The following C5orf15 variants were observed in gnomAD, a reference collection of about 807,000 sequenced individuals.
C5orf15 encodes the protein keratinocyte-associated transmembrane protein 2.
A neutral mutation model predicts 17.8 loss-of-function variants in C5orf15; 10 were observed. That is an observed-to-expected ratio of 0.56 (90% confidence interval 0.35 to 0.95). C5orf15 has a LOEUF of 0.95. Ranked by LOEUF, C5orf15 falls within the 40% of genes least tolerant of loss-of-function variation. C5orf15 has a pLI of 0.02. For synonymous variants in C5orf15, 124 were observed against 131.0 expected (o/e 0.95, Z 0.36); for missense variants, 319 against 331.7 (o/e 0.96, Z 0.30).
chr5:133,958,449 C>T lies in C5orf15; in HGVS notation c.666+1045G>A, dbSNP rs1427369200. 1.1e-4 allele frequency among the ~76,000 whole-genome samples: 16 copies of T among 151,814 alleles called. No individual in the cohort carries two copies. In the Middle Eastern group the frequency reaches 0.017, roughly 161 times the overall value. On this transcript the variant is annotated intron_variant, in intron 2 of 2. Coordinates refer to ENST00000231512, the MANE Select transcript of C5orf15 (RefSeq NM_020199.3). ...AAAATTAGCCAGGCGTGGTGGCCTGCGCCTGTAGTCCCAGTTACTCAAGAG... is the reference window on the plus strand; with the variant it reads ...AAAATTAGCCAGGCGTGGTGGCCTGTGCCTGTAGTCCCAGTTACTCAAGAG...
chr5:133,968,378 G>C (rs778132205), intron 1 of C5orf15, 68 bp downstream of exon 1: 20 of 1,554,374 alleles, frequency 1.3e-5, no homozygotes, highest in Non-Finnish European at 1.7e-5. Context: ...TCCCTGGCCC[G>C]GCCTGTCTCC....
At chr5:133,962,400 G>C (rs958003294) in intron 1 of C5orf15, among the ~76,000 whole-genome samples, 3 of 152,214 alleles carry the variant, frequency 2.0e-5, no homozygotes, top group South Asian at 2.1e-4. Flanking sequence ...TTGAACCACT[G>C]AATCTCAAGG....
intron 1 of C5orf15, among the ~76,000 whole-genome samples, chr5:133,963,839 A>C (rs753567393): frequency 2.0e-5 from 3 of 152,222 alleles, no homozygotes; most frequent in Non-Finnish European, 4.4e-5. Context: ...TATTCATAAT[A>C]GCCAAAAACT....
chr5:133,960,080 G>T, intron 1 of C5orf15, 60 bp from the exon 2 acceptor site: 1 of 1,477,508 alleles, frequency 6.8e-7, no homozygotes, highest in Non-Finnish European at 9.1e-7. Context: ...CAAGCTAAAA[G>T]CATATTTACC....
chr5:133,961,992 A>G (rs1419125037), intron 1 of C5orf15, among the ~76,000 whole-genome samples: 6 of 152,206 alleles, frequency 3.9e-5, no homozygotes, highest in Non-Finnish European at 8.8e-5. Context: ...AACTACTAAC[A>G]GGAATTTCTG....
chr5:133,962,168 A>G (rs1442521619), intron 1 of C5orf15, among the ~76,000 whole-genome samples: 1 of 152,218 alleles, frequency 6.6e-6, no homozygotes, highest in African/African-American at 2.4e-5. Flanking sequence ...TTAACTTTTA[A>G]AAGAACAATT....
At chr5:133,962,863 TTC>T (rs1752143463) in intron 1 of C5orf15, among the ~76,000 whole-genome samples, 1 of 152,176 alleles carries the variant, frequency 6.6e-6, no homozygotes, top group Non-Finnish European at 1.5e-5. Flanking sequence ...ATACACTCTC[TTC>T]TCTCTTTATT....
In C5orf15 at chr5:133,968,523, G is replaced by T; in HGVS notation, c.62C>A (p.Ser21Ter). 1 of 1,607,912 alleles carries T rather than the reference G, an allele frequency of 6.2e-7. No individual in the cohort carries two copies. The highest frequency in any genetic ancestry group is 8.5e-7 in the Non-Finnish European group (1 of 1,177,638). ...GPAQAKLLPGSAIQALVGLAR... is the reference protein window; with the variant it reads ...GPAQAKLLPG Reference sequence around the variant, plus strand: ...CAACCCCACAAGGGCTTGGATGGCCGACCCGGGCAGCAGTTTCGCTTGTGC... The same window carrying T: ...CAACCCCACAAGGGCTTGGATGGCCTACCCGGGCAGCAGTTTCGCTTGTGC... The change falls in exon 1 of 3, where the codon TCG becomes TAG. Residue 21 changes from serine (S) to a stop codon, truncating the protein, a stop_gained. Transcript: ENST00000231512. LOFTEE classifies it high-confidence loss of function.
chr5:133,963,523 G>A (rs973357739), intron 1 of C5orf15, among the ~76,000 whole-genome samples: 3 of 152,200 alleles, frequency 2.0e-5, no homozygotes, highest in Admixed American at 2.0e-4. Flanking sequence ...AAGGTGGAAA[G>A]AACTGGGTAG....
Position 133,968,520 on chromosome 5 carries a change from G to A in C5orf15, c.65C>T (p.Ala22Val), listed in dbSNP as rs1262820876. The A allele has an allele frequency of 6.2e-7, 1 of 1,607,490 alleles. No individual in the cohort carries two copies. The highest frequency in any genetic ancestry group is 8.5e-7 in the Non-Finnish European group (1 of 1,177,480). Reference sequence around the variant, plus strand: ...CGCCAACCCCACAAGGGCTTGGATGGCCGACCCGGGCAGCAGTTTCGCTTG... The same window carrying A: ...CGCCAACCCCACAAGGGCTTGGATGACCGACCCGGGCAGCAGTTTCGCTTG... ...PAQAKLLPGS[A>V]IQALVGLARP... Residue 22 changes from alanine (A) to valine (V), a missense_variant, in exon 1 of 3, where the codon GCC (alanine) becomes GTC (valine). Physicochemically the swap from Ala to Val is moderately conservative, Grantham distance 64. This residue lies in a region of C5orf15 where 127 missense variants were observed against 95.6 expected (regional missense o/e 1.33). Coordinates refer to ENST00000231512, the MANE Select transcript of C5orf15 (RefSeq NM_020199.3).
At chr5:133,965,063 C>T (rs929654830) in intron 1 of C5orf15, among the ~76,000 whole-genome samples, 1 of 152,020 alleles carries the variant, frequency 6.6e-6, no homozygotes. Flanking sequence ...ATGATCTGGC[C>T]CCCATTACCT....
At position 133,968,531 on chromosome 5, in the gene C5orf15, C is replaced by G. The variant is rs1185339194; in HGVS notation, c.54G>C (p.Leu18=). ...RMRGPAQAKL[L]PGSAIQALVG... ...CAAGGGCTTGGATGGCCGACCCGGG[C>G]AGCAGTTTCGCTTGTGCTGGCCCCC... Residue 18 remains leucine, a synonymous_variant, in exon 1 of 3, where the codon CTG becomes CTC. Transcript: ENST00000231512. The G allele has an allele frequency of 2.0e-5, 32 of 1,608,924 alleles. No individual in the cohort carries two copies. Among genetic ancestry groups the G allele is most frequent in the Non-Finnish European group, 2.7e-5 (32 of 1,178,282 alleles).
intron 1 of C5orf15, 103 bp from the exon 2 acceptor site, chr5:133,960,123 A>G: frequency 1.0e-6 from 1 of 969,074 alleles, no homozygotes; most frequent in Middle Eastern, 3.2e-4. Flanking sequence ...TCTCTGCTAC[A>G]TTCCTATAAC....
At chr5:133,958,330 G>A (rs10045538) in intron 2 of C5orf15, among the ~76,000 whole-genome samples, 4,377 of 151,634 alleles carry the variant, frequency 0.029, 205 homozygotes, top group African/African-American at 0.1. Context: ...TAATCCCAGC[G>A]TTTTGGGAGG....
chr5:133,958,453 T>G (rs1350771668), intron 2 of C5orf15, among the ~76,000 whole-genome samples: 3 of 151,722 alleles, frequency 2.0e-5, no homozygotes, highest in Admixed American at 1.3e-4. Flanking sequence ...GGCCTGCGCC[T>G]GTAGTCCCAG....
intron 1 of C5orf15, among the ~76,000 whole-genome samples, chr5:133,961,232 T>TA (rs56684565): frequency 0.058 from 1,758 of 30,402 alleles, 427 homozygotes; most frequent in African/African-American, 0.094. Context: ...AGTCAGTTAG[T>TA]AAAAAAAAAA....
rs397999300 is a variant in C5orf15, at chr5:133,959,404, CAAAAAAA to C, written c.666+83_666+89del. The C allele has an allele frequency of 9.8e-4, 122 of 124,540 alleles. 1 individual carries two copies. The highest frequency in any genetic ancestry group is 9.2e-4 in the Non-Finnish European group (72 of 78,532). The allele number at this position is 124,540 out of a possible 1,614,324, so 7.7% of individuals were successfully genotyped here. A position where few individuals can be genotyped will look rare whatever the true frequency, so the allele number is the denominator to read the frequency against. ...GTGAAACCCACTACACTTTTTTTTG[CAAAAAAA>C]AAAAAAAAAAAAAAAAAGAACCATG... is the stretch of plus-strand genomic sequence containing the variant. On this transcript the variant is annotated intron_variant, in intron 2 of 2. Transcript: ENST00000231512.
intron 1 of C5orf15, among the ~76,000 whole-genome samples, chr5:133,967,821 A>T (rs1752217972): frequency 6.6e-6 from 1 of 151,850 alleles, no homozygotes; most frequent in African/African-American, 2.4e-5. Flanking sequence ...TCAAATATGC[A>T]CCAGTACCCT....
Position 133,968,473 on chromosome 5 carries a change from G to C in C5orf15, c.112C>G (p.Leu38Val). ...CTGGATAGAGCGGCGGACACAAGCA[G>C]GAGCGCCAAGACCAGCGGCCGCGCC... ...GLARPLVLAL[L>V]LVSAALSSVV... Residue 38 changes from leucine to valine, a missense_variant, in exon 1 of 3, where the codon CTG becomes GTG. By Grantham distance (32) the Leu-to-Val change is conservative. Coordinates refer to ENST00000231512, the MANE Select transcript of C5orf15 (RefSeq NM_020199.3). The C allele has an allele frequency of 6.2e-7, 1 of 1,604,814 alleles. No homozygotes were observed. Among genetic ancestry groups the C allele is most frequent in the Non-Finnish European group, 8.5e-7 (1 of 1,176,144 alleles).
Sources: allele counts gnomAD v4.1 joint callset (sites outside exome capture counted in the v4.1 genomes callset), GRCh38; gene constraint gnomAD v4.1.1; regional missense constraint gnomAD v4.1.1; transcripts MANE v1.5; gene names NCBI Gene and HGNC (gene_info 2026-07-23, HGNC 2026-07-21).